EZH1: variants seen among roughly 807,000 people sequenced by gnomAD.
EZH1 encodes the protein histone-lysine N-methyltransferase EZH1.
In EZH1, 33 loss-of-function variants were observed where a neutral mutation model predicts 100.5. That is an observed-to-expected ratio of 0.33 (90% CI 0.25 to 0.44). The LOEUF (loss-of-function observed/expected upper bound fraction) is 0.44, where lower values mean the gene tolerates loss of function less well. Ranked by LOEUF, EZH1 falls within the 20% of genes least tolerant of loss-of-function variation. The pLI is 1.00. For synonymous variants in EZH1, 272 were observed against 313.8 expected, an observed-to-expected ratio of 0.87 and a Z score of 1.41; for missense variants, 475 against 928.4, an observed-to-expected ratio of 0.51 and a Z score of 6.35.
At chr17:42,735,146 T>C (rs1317614629) in intron 1 of EZH1, among the ~76,000 whole-genome samples, 1 of 152,168 alleles carries the variant, frequency 6.6e-6, no homozygotes, top group Non-Finnish European at 1.5e-5. Context: ...CGTGTCTGGC[T>C]GGCTGTGGTG....
intron 11 of EZH1, 37 bp from the exon 12 acceptor site, chr17:42,712,522 A>C (rs745372016): frequency 6.3e-7 from 1 of 1,588,694 alleles, no homozygotes; most frequent in Admixed American, 1.7e-5. Flanking sequence ...AGAAGAAGGT[A>C]GAATGCAGTT....
In EZH1 at chr17:42,722,929, A is replaced by G; in HGVS notation, c.367-14T>C. ...CTCATCTTCTACCTGAAACCAAACC[A>G]GATGTGATTTATTCCATGAAGCCAT... is the stretch of plus-strand genomic sequence containing the variant. On this transcript the variant is annotated splice_polypyrimidine_tract_variant and intron_variant, in intron 5 of 20. Coordinates refer to ENST00000428826, the MANE Select transcript of EZH1 (RefSeq NM_001991.5). The G allele has an allele frequency of 6.2e-7, 1 of 1,610,962 alleles. No homozygotes were observed. Among genetic ancestry groups the G allele is most frequent in the Non-Finnish European group, 8.5e-7 (1 of 1,178,852 alleles).
intron 2 of EZH1, among the ~76,000 whole-genome samples, 166 bp downstream of exon 2, chr17:42,730,662 A>C (rs2053927169): frequency 6.6e-6 from 1 of 150,722 alleles, no homozygotes; most frequent in African/African-American, 2.4e-5. Context: ...ACGCCCGGCT[A>C]ATTTTTTGTA....
At chr17:42,722,522 G>C (rs944513609) in intron 6 of EZH1, among the ~76,000 whole-genome samples, 1 of 151,384 alleles carries the variant, frequency 6.6e-6, no homozygotes, top group Non-Finnish European at 1.5e-5. Context: ...CTACTTGGGA[G>C]GCTGAGGCAG....
intron 18 of EZH1, 57 bp downstream of exon 18, chr17:42,704,545 C>G: frequency 6.9e-7 from 1 of 1,441,110 alleles, no homozygotes; most frequent in Non-Finnish European, 9.6e-7. Flanking sequence ...AAGACTCCGT[C>G]TCAAAAAAAG....
At chr17:42,733,640 C>CAAA (rs1283971078) in intron 1 of EZH1, among the ~76,000 whole-genome samples, 6 of 48,296 alleles carry the variant, frequency 1.2e-4, no homozygotes, top group African/African-American at 4.7e-4. Flanking sequence ...GACTCCATCT[C>CAAA]AAAAAAAAAA....
Position 42,718,657 on chromosome 17 carries a change from T to C in EZH1, c.768-40A>G, listed in dbSNP as rs1436453019. The stretch of plus-strand genomic sequence containing the variant: ...AGAGATAAGAGTTCCTCCGAGGAAC[T>C]GCCTCCACTGAGGAAATACAGATTG... On this transcript the variant is annotated intron_variant, in intron 8 of 20. Transcript: ENST00000428826. The surrounding 1 kb of genome is among the most constrained non-coding windows in gnomAD (Gnocchi z 4.2). 8 of 1,607,082 alleles carry C rather than the reference T, an allele frequency of 5.0e-6. No homozygotes were observed. Among genetic ancestry groups the C allele is most frequent in the East Asian group, 2.2e-5 (1 of 44,820 alleles).
At chr17:42,722,735 G>A in intron 6 of EZH1, 60 bp downstream of exon 6, 1 of 1,557,524 alleles carries the variant, frequency 6.4e-7, no homozygotes, top group Non-Finnish European at 8.7e-7. Context: ...AAGATGATGA[G>A]GTACCAAAGA....
At chr17:42,724,483 T>C in intron 4 of EZH1, 59 bp from the exon 5 acceptor site, 2 of 1,590,208 alleles carry the variant, frequency 1.3e-6, no homozygotes, top group Non-Finnish European at 1.7e-6. Flanking sequence ...AAGAAAGAAA[T>C]GTAATTTCCT....
In EZH1 at chr17:42,713,409, G is replaced by A; in HGVS notation, c.1024-20C>T. 1 of 1,576,552 alleles carries A rather than the reference G, an allele frequency of 6.3e-7. No homozygotes were observed. The highest frequency in any genetic ancestry group is 8.7e-7 in the Non-Finnish European group (1 of 1,154,006). The stretch of plus-strand genomic sequence containing the variant: ...TCCTTCCTGCAGTGGACACATTACA[G>A]ACAGGAAATAGGAACAGGCCCATCA... On this transcript the variant is annotated intron_variant, in intron 10 of 20. Coordinates refer to ENST00000428826, the MANE Select transcript of EZH1 (RefSeq NM_001991.5).
At chr17:42,719,025 T>G in intron 8 of EZH1, 80 bp downstream of exon 8, 1 of 1,131,022 alleles carries the variant, frequency 8.8e-7, no homozygotes. Context: ...ACAAAGCTTT[T>G]TACTAACCAA....
At chr17:42,729,026 A>G in intron 2 of EZH1, 74 bp from the exon 3 acceptor site, 1 of 1,440,084 alleles carries the variant, frequency 6.9e-7, no homozygotes, top group Middle Eastern at 1.9e-4. Flanking sequence ...AAAAAAAAAA[A>G]AAAGATCAAT....
At chr17:42,702,614 G>T in intron 20 of EZH1, 22 bp from the exon 21 acceptor site, 1 of 1,558,316 alleles carries the variant, frequency 6.4e-7, no homozygotes. Context: ...CAGGGAAGAG[G>T]AACCAGGTTA....
chr17:42,718,344 C>T lies in EZH1; in HGVS notation c.931+110G>A, dbSNP rs2053643955. On this transcript the variant is annotated intron_variant, in intron 9 of 20. Transcript: ENST00000428826. This position sits in a 1 kb window ranked among gnomAD's most constrained non-coding sequence, Gnocchi z 4.2. The stretch of plus-strand genomic sequence containing the variant: ...AAAATAGAACTGGCCCTTTGTAAAA[C>T]GTTAGAACAGAAGCCAGGAACTCTA... 3.5e-6 allele frequency: 5 copies of T among 1,415,816 alleles called. No individual in the cohort carries two copies. In the Admixed American group the frequency reaches 6.7e-5, roughly 19 times the overall value. 87.7% of individuals were successfully genotyped at this position (1,415,816 alleles called of 1,614,324 possible).
intron 11 of EZH1, among the ~76,000 whole-genome samples, 176 bp downstream of exon 11, chr17:42,713,033 G>A (rs1268788636): frequency 1.0e-4 from 4 of 38,236 alleles, no homozygotes; most frequent in African/African-American, 4.4e-4. Context: ...GCGAGAGACT[G>A]TTTCAAAAAA....
At chr17:42,725,232 A>G (rs2053795158) in intron 4 of EZH1, among the ~76,000 whole-genome samples, 1 of 152,146 alleles carries the variant, frequency 6.6e-6, no homozygotes. Flanking sequence ...ATCATCTCCT[A>G]AAAGGAATCC....
At chr17:42,710,782 C>CT (rs5820471) in intron 12 of EZH1, among the ~76,000 whole-genome samples, 7,690 of 107,544 alleles carry the variant, frequency 0.072, 668 homozygotes, top group African/African-American at 0.16. Flanking sequence ...AGGTACGTGG[C>CT]TTTTTTTTTT....
rs768882677 is a variant in EZH1, at chr17:42,718,497, T to G, written c.888A>C (p.Thr296=). The G allele has an allele frequency of 8.7e-6, 14 of 1,613,994 alleles. No homozygotes were observed. The highest frequency in any genetic ancestry group is 1.1e-5 in the Non-Finnish European group (13 of 1,179,994). ...ATTTAAAGCAGCGCCGGCAAAAAAGTGTGTGGAAGGAGTGCAGAGATTGCT... is the reference window on the plus strand; with the variant it reads ...ATTTAAAGCAGCGCCGGCAAAAAAGGGTGTGGAAGGAGTGCAGAGATTGCT... The part of the protein sequence containing the change: ...QREQSLHSFH[T]LFCRRCFKYD... Residue 296 remains threonine (T), a synonymous_variant, in exon 9 of 21, where the codon ACA becomes ACC. Transcript: ENST00000428826. The surrounding 1 kb of genome is among the most constrained non-coding windows in gnomAD (Gnocchi z 4.2).
intron 4 of EZH1, among the ~76,000 whole-genome samples, chr17:42,725,027 C>T (rs772718466): frequency 7.3e-5 from 11 of 151,534 alleles, no homozygotes; most frequent in African/African-American, 1.9e-4. Context: ...ATTAGCTGGG[C>T]GTGGTGGCAC....
Sources: allele counts gnomAD v4.1 joint callset (sites outside exome capture counted in the v4.1 genomes callset), GRCh38; gene constraint gnomAD v4.1.1; non-coding constraint Gnocchi (gnomAD v3.1); transcripts MANE v1.5; gene names NCBI Gene and HGNC (gene_info 2026-07-23, HGNC 2026-07-21).